Variants in PDE7B observed in about 807,000 individuals in gnomAD.
PDE7B encodes the protein phosphodiesterase 7B.
A neutral mutation model predicts 56.2 loss-of-function variants in PDE7B; 29 were observed. That is an observed-to-expected ratio of 0.52 (90% confidence interval 0.38 to 0.70). PDE7B has a LOEUF of 0.70. Among genes scored for constraint, PDE7B ranks in the 30% least tolerant of loss-of-function variants. The pLI is 0.00. For missense variants in PDE7B, 490 were observed against 565.0 expected (o/e 0.87, Z 1.35); for synonymous variants, 197 against 196.9 (o/e 1.00, Z 0.00).
chr6:135,984,251 C>G (rs73558771), intron 2 of PDE7B, among the ~76,000 whole-genome samples: 10 of 152,126 alleles, frequency 6.6e-5, no homozygotes, highest in Non-Finnish European at 1.5e-4. Flanking sequence ...AGTTATTCAT[C>G]GGAAGACCTG....
intron 1 of PDE7B, among the ~76,000 whole-genome samples, chr6:135,870,978 C>T (rs1027271454): frequency 1.3e-5 from 2 of 152,084 alleles, no homozygotes; most frequent in Non-Finnish European, 2.9e-5. Flanking sequence ...CCGAAGAGCT[C>T]ATGCTACAGA....
intron 8 of PDE7B, among the ~76,000 whole-genome samples, chr6:136,171,273 C>A (rs1161165394): frequency 6.6e-6 from 1 of 152,122 alleles, no homozygotes; most frequent in Non-Finnish European, 1.5e-5. Context: ...AGCAAGGAAG[C>A]AATTGTAGAT....
intron 1 of PDE7B, among the ~76,000 whole-genome samples, chr6:135,854,343 T>C (rs1285313276): frequency 6.6e-6 from 1 of 152,198 alleles, no homozygotes; most frequent in Non-Finnish European, 1.5e-5. Flanking sequence ...CTTTGAAACA[T>C]CTAAATGTAG....
At chr6:136,078,071 G>C (rs1208237759) in intron 2 of PDE7B, among the ~76,000 whole-genome samples, 1 of 152,180 alleles carries the variant, frequency 6.6e-6, no homozygotes, top group African/African-American at 2.4e-5. Flanking sequence ...AGGATGCCAA[G>C]TGATAAATCG....
intron 2 of PDE7B, among the ~76,000 whole-genome samples, chr6:135,958,382 A>AGCT (rs1774838274): frequency 1.3e-5 from 2 of 152,334 alleles, no homozygotes; most frequent in Non-Finnish European, 2.9e-5. Flanking sequence ...AAAATGTTCC[A>AGCT]GAGACAATGT....
At chr6:136,038,256 C>G in intron 2 of PDE7B, 2 of 1,299,862 alleles carry the variant, frequency 1.5e-6, no homozygotes, top group East Asian at 5.3e-5. Context: ...AGCACCACCA[C>G]CACCACTACC....
At chr6:135,961,681 A>G (rs1195024464) in intron 2 of PDE7B, among the ~76,000 whole-genome samples, 1 of 152,182 alleles carries the variant, frequency 6.6e-6, no homozygotes, top group East Asian at 1.9e-4. Context: ...TGTCCCACAA[A>G]TGATCCTAGT....
intron 8 of PDE7B, among the ~76,000 whole-genome samples, chr6:136,168,083 A>C (rs965262975): frequency 5.3e-5 from 8 of 152,204 alleles, no homozygotes; most frequent in African/African-American, 1.9e-4. Flanking sequence ...ATAGAGAAAG[A>C]GGTGTTTGCA....
At chr6:136,148,558 T>C (rs1360963678) in intron 4 of PDE7B, among the ~76,000 whole-genome samples, 2 of 151,602 alleles carry the variant, frequency 1.3e-5, no homozygotes, top group African/African-American at 2.4e-5. Context: ...TAATTCCCAA[T>C]ATTAGGCCTC....
At chr6:136,138,644 C>T (rs908691833) in intron 3 of PDE7B, among the ~76,000 whole-genome samples, 1 of 152,078 alleles carries the variant, frequency 6.6e-6, no homozygotes, top group Non-Finnish European at 1.5e-5. Flanking sequence ...GGCTATGTAG[C>T]ATTGGTTCTG....
At chr6:135,876,316 A>G (rs577074280) in intron 1 of PDE7B, among the ~76,000 whole-genome samples, 1 of 152,148 alleles carries the variant, frequency 6.6e-6, no homozygotes, top group Non-Finnish European at 1.5e-5. Flanking sequence ...AGCTAACTGC[A>G]CGCCTGGTAG....
intron 2 of PDE7B, among the ~76,000 whole-genome samples, chr6:135,973,143 G>A (rs897674666): frequency 1.1e-4 from 16 of 150,896 alleles, no homozygotes; most frequent in Admixed American, 6.6e-4. Context: ...TCCCTTCCCC[G>A]TACACCATGG....
intron 1 of PDE7B, among the ~76,000 whole-genome samples, chr6:135,935,680 CTG>C (rs977810286): frequency 1.3e-5 from 2 of 152,182 alleles, no homozygotes; most frequent in African/African-American, 4.8e-5. Flanking sequence ...TTGCCAAAGT[CTG>C]TTGTGGAGTT....
intron 2 of PDE7B, among the ~76,000 whole-genome samples, chr6:136,103,719 T>G (rs150316061): frequency 2.6e-5 from 4 of 152,276 alleles, no homozygotes; most frequent in South Asian, 2.1e-4. Flanking sequence ...TGAATCTCTA[T>G]CCCATATTCC....
At chr6:136,019,104 C>G (rs1218797323) in intron 2 of PDE7B, among the ~76,000 whole-genome samples, 1 of 151,868 alleles carries the variant, frequency 6.6e-6, no homozygotes, top group Non-Finnish European at 1.5e-5. Flanking sequence ...ACATATAATC[C>G]TGGAAGTAAA....
chr6:136,123,361 C>A (rs1777970621), intron 3 of PDE7B, among the ~76,000 whole-genome samples: 2 of 152,116 alleles, frequency 1.3e-5, no homozygotes, highest in Non-Finnish European at 2.9e-5. Flanking sequence ...CACAATTATG[C>A]CTCTTGATTA....
chr6:136,169,681 T>C (rs981891754), intron 8 of PDE7B, among the ~76,000 whole-genome samples: 3 of 152,210 alleles, frequency 2.0e-5, no homozygotes, highest in Non-Finnish European at 4.4e-5. Context: ...CGTGAGCGAC[T>C]GAATTAAATG....
chr6:135,942,097 T>C (rs1353239510), intron 1 of PDE7B, among the ~76,000 whole-genome samples: 1 of 151,982 alleles, frequency 6.6e-6, no homozygotes, highest in African/African-American at 2.4e-5. Flanking sequence ...CTATTATCAG[T>C]ATTTTAATAT....
chr6:135,908,088 CTT>C (rs11359781), intron 1 of PDE7B, among the ~76,000 whole-genome samples: 31 of 144,828 alleles, frequency 2.1e-4, no homozygotes, highest in Admixed American at 2.8e-4. Flanking sequence ...TTGTCAACTG[CTT>C]TTTTTTTTTT....
Sources: allele counts gnomAD v4.1 joint callset (sites outside exome capture counted in the v4.1 genomes callset), GRCh38; gene constraint gnomAD v4.1.1; transcripts MANE v1.5; gene names NCBI Gene and HGNC (gene_info 2026-07-23, HGNC 2026-07-21).